Variants in SUGCT observed in about 807,000 individuals in gnomAD.
SUGCT encodes the protein succinyl-CoA:glutarate CoA-transferase.
In SUGCT, 41 loss-of-function variants were observed where a neutral mutation model predicts 55.0. The ratio of observed to expected loss-of-function variants is 0.74; its 90% confidence interval spans 0.58 to 0.97. SUGCT has a LOEUF of 0.97. SUGCT is among the 50% of genes least tolerant of loss of function. SUGCT has a pLI of 0.00. For synonymous variants in SUGCT, 187 were observed against 200.4 expected (o/e 0.93, Z 0.56); for missense variants, 568 against 547.8 (o/e 1.04, Z -0.37).
intron 13 of SUGCT, among the ~76,000 whole-genome samples, chr7:40,854,419 CCTTTCTTTCTTTCTTTCTTTCTTTCTTT>C (rs70990650): frequency 1.1e-5 from 1 of 88,804 alleles, no homozygotes; most frequent in Non-Finnish European, 2.2e-5. Flanking sequence ...TTCTTTCTTT[CCTTTCTTTCTTTCTTTCTTTCTTTCTTT>C]CTTTCTTTCT....
chr7:40,936,857 A>G, the SUGCT span, among the ~76,000 whole-genome samples: 1 of 151,872 alleles, frequency 6.6e-6, no homozygotes, highest in African/African-American at 2.4e-5. Context: ...TTTTTGATCC[A>G]TTGGTTGGTT....
At chr7:40,594,880 G>A (rs1797920407) in intron 12 of SUGCT, among the ~76,000 whole-genome samples, 1 of 152,142 alleles carries the variant, frequency 6.6e-6, no homozygotes, top group East Asian at 1.9e-4. Context: ...AACCCTTCAA[G>A]CCACTCTGCT....
chr7:40,905,526 A>G, the SUGCT span, among the ~76,000 whole-genome samples: 7 of 152,170 alleles, frequency 4.6e-5, no homozygotes, highest in Non-Finnish European at 1.0e-4. Flanking sequence ...TCTCATTCAT[A>G]TAACGCCATT....
rs116375822 is a variant in SUGCT, at chr7:40,796,639, G to T, written c.1153+47142G>T. Among the ~76,000 whole-genome samples the T allele has an allele frequency of 1.1e-3, 164 of 152,268 alleles. 1 individual carries two copies. Among genetic ancestry groups the T allele is most frequent in the African/African-American group, 3.8e-3 (156 of 41,552 alleles). ...TAGAGAACTAAAGTAACTTGTTTGA[G>T]ATTTTATATCATACATAGCAGACCA... On this transcript the variant is annotated intron_variant, in intron 13 of 13. Coordinates refer to ENST00000335693, the MANE Select transcript of SUGCT (RefSeq NM_001193313.2).
At chr7:40,409,658 A>G (rs1290825662) in intron 9 of SUGCT, among the ~76,000 whole-genome samples, 1 of 150,454 alleles carries the variant, frequency 6.6e-6, no homozygotes, top group Non-Finnish European at 1.5e-5. Context: ...AGTATTCTTC[A>G]TTTTTAATTT....
intron 6 of SUGCT, among the ~76,000 whole-genome samples, chr7:40,197,742 C>T (rs1786368719): frequency 6.6e-6 from 1 of 152,176 alleles, no homozygotes; most frequent in Admixed American, 6.5e-5. Context: ...CATTCTGTTT[C>T]AGAGGGAGGA....
chr7:40,635,502 T>C (rs1472495074), intron 12 of SUGCT, among the ~76,000 whole-genome samples: 1 of 152,086 alleles, frequency 6.6e-6, no homozygotes, highest in Non-Finnish European at 1.5e-5. Context: ...CTAAAGAAAG[T>C]CATGAGTTAT....
intron 12 of SUGCT, among the ~76,000 whole-genome samples, chr7:40,598,759 T>A (rs1584097231): frequency 6.6e-6 from 1 of 152,172 alleles, no homozygotes; most frequent in East Asian, 1.9e-4. Context: ...ATGGTAACTT[T>A]GACCAATGAA....
At chr7:40,868,846 C>T in the SUGCT span, among the ~76,000 whole-genome samples, 4 of 152,162 alleles carry the variant, frequency 2.6e-5, no homozygotes, top group Admixed American at 2.6e-4. Flanking sequence ...CTGAGCCTGG[C>T]TATGGGCTAT....
chr7:40,138,264 G>A (rs995289022), intron 1 of SUGCT, among the ~76,000 whole-genome samples: 1 of 152,148 alleles, frequency 6.6e-6, no homozygotes, highest in Non-Finnish European at 1.5e-5. Context: ...TTCTGTGCCT[G>A]AGTGATTTCA....
chr7:40,557,904 G>C (rs773971281), intron 12 of SUGCT, among the ~76,000 whole-genome samples: 4 of 151,970 alleles, frequency 2.6e-5, no homozygotes, highest in Non-Finnish European at 5.9e-5. Context: ...AACCTTTATT[G>C]GTCAACAACA....
intron 12 of SUGCT, among the ~76,000 whole-genome samples, chr7:40,599,137 G>C (rs1194618204): frequency 6.6e-6 from 1 of 152,140 alleles, no homozygotes; most frequent in Non-Finnish European, 1.5e-5. Flanking sequence ...AGATGAGAGA[G>C]GGAGGTTGAA....
intron 12 of SUGCT, among the ~76,000 whole-genome samples, chr7:40,536,929 A>G (rs1794395063): frequency 6.6e-6 from 1 of 152,230 alleles, no homozygotes; most frequent in South Asian, 2.1e-4. Flanking sequence ...GTACAGTAGG[A>G]AATTAAACAA....
At chr7:40,913,645 A>G in the SUGCT span, among the ~76,000 whole-genome samples, 27,554 of 152,068 alleles carry the variant, frequency 0.18, 3,302 homozygotes, top group African/African-American at 0.35. Flanking sequence ...CCCATTCACT[A>G]TTTTGCATGC....
the SUGCT span, among the ~76,000 whole-genome samples, chr7:40,903,458 G>A: frequency 6.6e-6 from 1 of 152,164 alleles, no homozygotes; most frequent in African/African-American, 2.4e-5. Flanking sequence ...CCTTTGCTAG[G>A]ACACCAGTCT....
At chr7:40,433,607 A>G (rs986896868) in intron 9 of SUGCT, among the ~76,000 whole-genome samples, 4 of 152,114 alleles carry the variant, frequency 2.6e-5, no homozygotes, top group African/African-American at 9.7e-5. Flanking sequence ...GTGCCAAGTA[A>G]ACCTACTGGC....
intron 13 of SUGCT, among the ~76,000 whole-genome samples, chr7:40,789,424 T>A (rs1399459933): frequency 6.6e-6 from 1 of 152,214 alleles, no homozygotes; most frequent in Non-Finnish European, 1.5e-5. Flanking sequence ...CCATATGGCA[T>A]GGATTTTCCC....
At chr7:40,471,890 A>C (rs1790419637) in intron 11 of SUGCT, among the ~76,000 whole-genome samples, 2 of 152,122 alleles carry the variant, frequency 1.3e-5, no homozygotes, top group Admixed American at 1.3e-4. Context: ...TAACAACCTC[A>C]ATGTATTAAC....
the SUGCT span, among the ~76,000 whole-genome samples, chr7:41,024,757 G>A: frequency 2.3e-5 from 3 of 128,100 alleles, no homozygotes; most frequent in Admixed American, 7.5e-5. Flanking sequence ...GTGTAAATGG[G>A]TACAGCCCCC....
Sources: allele counts gnomAD v4.1 joint callset (sites outside exome capture counted in the v4.1 genomes callset), GRCh38; gene constraint gnomAD v4.1.1; transcripts MANE v1.5; gene names NCBI Gene and HGNC (gene_info 2026-07-23, HGNC 2026-07-21).